RNF11: variants seen among roughly 807,000 people sequenced by gnomAD.
RNF11 encodes ring finger protein 11.
RNF11 carries 4 observed loss-of-function variants against 15.8 expected under a neutral mutation model. That is an observed-to-expected ratio of 0.25 (90% CI 0.12 to 0.58). RNF11 has a LOEUF of 0.58. Ranked by LOEUF, RNF11 falls within the 20% of genes least tolerant of loss-of-function variation. RNF11 has a pLI of 0.91. For synonymous variants in RNF11, 68 were observed against 72.3 expected (o/e 0.94, Z 0.30); for missense variants, 139 against 194.4 (o/e 0.71, Z 1.70).
intron 1 of RNF11, among the ~76,000 whole-genome samples, chr1:51,255,673 A>T (rs1646901253): frequency 6.6e-6 from 1 of 152,222 alleles, no homozygotes; most frequent in Admixed American, 6.5e-5. Context: ...AGGGGGTCAA[A>T]CTTGATTCTT....
chr1:51,250,906 G>C, intron 1 of RNF11: 1 of 1,065,618 alleles, frequency 9.4e-7, no homozygotes. Context: ...AGGTGCACCA[G>C]TGCAGAGCCG....
chr1:51,254,388 A>G (rs1044569077), intron 1 of RNF11, among the ~76,000 whole-genome samples: 1 of 152,110 alleles, frequency 6.6e-6, no homozygotes. Context: ...CCCAGGTTCA[A>G]GCAGTTGTGC....
At chr1:51,263,986 G>A (rs995472475) in intron 1 of RNF11, among the ~76,000 whole-genome samples, 4 of 151,982 alleles carry the variant, frequency 2.6e-5, no homozygotes, top group African/African-American at 9.7e-5. Flanking sequence ...AGGCTTGGCT[G>A]CTCACTCCTG....
rs1177301892 is a variant in RNF11 at position 51,236,447 on chromosome 1, G to GGCC, written c.-300_-298dup. 4.2e-6 allele frequency: 1 copy of GGCC among 236,114 alleles called. No homozygotes were observed. The highest frequency in any genetic ancestry group is 8.3e-6 in the Non-Finnish European group (1 of 121,114). 14.6% of individuals were successfully genotyped at this position (236,114 alleles called of 1,614,324 possible). ...CCTGGATTAGGCCCAGCAGCTCCGT[G>GGCC]GCCGCCGCCGCCCCGCGGGGGGGCG... On this transcript the variant is annotated 5_prime_UTR_variant, in exon 1 of 3. Transcript: ENST00000242719.
At chr1:51,238,589 A>T (rs1373361061) in intron 1 of RNF11, among the ~76,000 whole-genome samples, 1 of 152,220 alleles carries the variant, frequency 6.6e-6, no homozygotes, top group Non-Finnish European at 1.5e-5. Flanking sequence ...TTCCAAAGTA[A>T]GTTGTCACAG....
chr1:51,241,338 C>T (rs1646828296), intron 1 of RNF11, among the ~76,000 whole-genome samples: 1 of 152,140 alleles, frequency 6.6e-6, no homozygotes, highest in Admixed American at 6.5e-5. Context: ...TTCACAGGTG[C>T]AATTATAGTG....
At chr1:51,251,449 C>CT in intron 1 of RNF11, 1 of 749,776 alleles carries the variant, frequency 1.3e-6, no homozygotes, top group Non-Finnish European at 2.2e-6. Flanking sequence ...GGCCCCCCCC[C>CT]GCTGCACTGG....
chr1:51,253,641 G>T (rs1370959762), intron 1 of RNF11, among the ~76,000 whole-genome samples: 10 of 151,992 alleles, frequency 6.6e-5, no homozygotes, highest in African/African-American at 2.4e-4. Context: ...CTCTGTACCC[G>T]CGTTCTAGAG....
intron 1 of RNF11, among the ~76,000 whole-genome samples, chr1:51,240,016 A>G (rs1450300771): frequency 2.6e-5 from 4 of 152,120 alleles, no homozygotes; most frequent in Non-Finnish European, 4.4e-5. Context: ...TAGCCTCCTA[A>G]CAGTTATCCC....
chr1:51,258,636 T>C (rs1646915868), intron 1 of RNF11, among the ~76,000 whole-genome samples: 1 of 152,230 alleles, frequency 6.6e-6, no homozygotes, highest in Non-Finnish European at 1.5e-5. Flanking sequence ...TACCCATATG[T>C]ATAACATCTC....
At chr1:51,261,267 T>G (rs34653975) in intron 1 of RNF11, among the ~76,000 whole-genome samples, 6,212 of 152,298 alleles carry the variant, frequency 0.041, 189 homozygotes, top group Non-Finnish European at 0.061. Flanking sequence ...ATTGATTTCC[T>G]TAGTAATCTT....
At chr1:51,268,063 C>G (rs1011267483) in intron 1 of RNF11, among the ~76,000 whole-genome samples, 22 of 152,134 alleles carry the variant, frequency 1.4e-4, no homozygotes, top group Non-Finnish European at 1.9e-4. Context: ...TTTTTATACC[C>G]CTGTCTAATC....
At chr1:51,240,891 C>T (rs1219868120) in intron 1 of RNF11, among the ~76,000 whole-genome samples, 2 of 152,048 alleles carry the variant, frequency 1.3e-5, no homozygotes, top group African/African-American at 4.8e-5. Flanking sequence ...GCAGTGGTGT[C>T]ATCTTGGCTC....
intron 1 of RNF11, among the ~76,000 whole-genome samples, chr1:51,264,305 TATATATATATATAC>T (rs1371918077): frequency 4.2e-4 from 42 of 100,142 alleles, no homozygotes; most frequent in African/African-American, 1.9e-3. Flanking sequence ...TATATATATA[TATATATATATATAC>T]ACACACACAC....
intron 1 of RNF11, among the ~76,000 whole-genome samples, chr1:51,254,443 C>T (rs1646895066): frequency 6.6e-6 from 1 of 151,946 alleles, no homozygotes; most frequent in Non-Finnish European, 1.5e-5. Flanking sequence ...TGCCACCATG[C>T]TTGGCTAATT....
rs1557684029 is a variant in RNF11 at position 51,272,166 on chromosome 1, T to A, written c.*844T>A. On this transcript the variant is annotated 3_prime_UTR_variant, in exon 3 of 3. Transcript: ENST00000242719. Reference sequence around the variant, plus strand: ...GTTAAATTTTAAATATTAAGAATTCTGATTTATTGAGATTGAATTATGCCA... The same window carrying A: ...GTTAAATTTTAAATATTAAGAATTCAGATTTATTGAGATTGAATTATGCCA... 6.6e-6 allele frequency: 1 copy of A among 152,650 alleles called. No homozygotes were observed. Among genetic ancestry groups the A allele is most frequent in the Non-Finnish European group, 1.5e-5 (1 of 68,038 alleles). 9.5% of individuals were successfully genotyped at this position (152,650 alleles called of 1,614,324 possible).
chr1:51,254,468 A>AT (rs1376013431), intron 1 of RNF11, among the ~76,000 whole-genome samples: 5 of 150,456 alleles, frequency 3.3e-5, no homozygotes, highest in African/African-American at 4.9e-5. Context: ...TGTATTTTTA[A>AT]TTTTTTTTTG....
intron 1 of RNF11, among the ~76,000 whole-genome samples, chr1:51,266,894 C>T (rs368313574): frequency 2.0e-5 from 3 of 152,296 alleles, no homozygotes; most frequent in South Asian, 4.1e-4. Context: ...TGCCAGATAC[C>T]GTGCTGAGTA....
chr1:51,268,782 T>A (rs1646965886), intron 1 of RNF11, among the ~76,000 whole-genome samples: 1 of 152,190 alleles, frequency 6.6e-6, no homozygotes, highest in African/African-American at 2.4e-5. Flanking sequence ...GTTGAAGAAC[T>A]CAGAGCTGGC....
Sources: allele counts gnomAD v4.1 joint callset (sites outside exome capture counted in the v4.1 genomes callset), GRCh38; gene constraint gnomAD v4.1.1; transcripts MANE v1.5; gene names NCBI Gene and HGNC (gene_info 2026-07-23, HGNC 2026-07-21).